The following POLE variants were observed in gnomAD, a reference collection of about 807,000 sequenced individuals.
The protein encoded by POLE is DNA polymerase epsilon catalytic subunit A.
In POLE, 188 loss-of-function variants were observed where a neutral mutation model predicts 279.2. That is an observed-to-expected ratio of 0.67 (90% confidence interval 0.60 to 0.76). The LOEUF (loss-of-function observed/expected upper bound fraction) is 0.76. Among genes scored for constraint, POLE ranks in the 30% least tolerant of loss-of-function variants. POLE has a pLI of 0.00. For missense variants in POLE, 2,703 were observed against 3,016.7 expected, an observed-to-expected ratio of 0.90 and a Z score of 2.44; for synonymous variants, 1,214 against 1,172.5, an observed-to-expected ratio of 1.04 and a Z score of -0.72.
At chr12:132,659,980 C>T (rs1299894420) in intron 25 of POLE, 4 of 172,568 alleles carry the variant, frequency 2.3e-5, no homozygotes, top group African/African-American at 7.2e-5. Flanking sequence ...CGTGAGCCAC[C>T]ACGCCTGGCT....
At position 132,632,466 on chromosome 12, in the gene POLE, G is replaced by C. The variant is rs761423995; in HGVS notation, c.6179C>G (p.Thr2060Ser). Residue 2060 changes from threonine to serine, a missense_variant, in exon 45 of 49, where the codon ACT becomes AGT. By Grantham distance (58) the Thr-to-Ser change is moderately conservative. This residue lies in a region of POLE where 1,551 missense variants were observed against 1,686.1 expected (regional missense o/e 0.92). Coordinates refer to ENST00000320574, the MANE Select transcript of POLE (RefSeq NM_006231.4). ...CTGAGTGATGGTGAAGAAGCTCTGA[G>C]TGAGCTCATTTGCGACATAATCCTG... ...FSQDYVANELTQSFFTITQKI... is the reference protein window; with the variant it reads ...FSQDYVANELSQSFFTITQKI... The C allele has an allele frequency of 1.9e-6, 3 of 1,614,124 alleles. No homozygotes were observed. The highest frequency in any genetic ancestry group is 1.3e-5 in the African/African-American group (1 of 75,052).
Position 132,664,491 on chromosome 12 carries a change from G to A in POLE, c.2469-29C>T, listed in dbSNP as rs2135958746. On this transcript the variant is annotated intron_variant, in intron 21 of 48. Transcript: ENST00000320574. This position sits in a 1 kb window ranked among gnomAD's most constrained non-coding sequence, Gnocchi z 5.3. The stretch of plus-strand genomic sequence containing the variant: ...AGAGGACACCACAAACTGGTGGGTG[G>A]GGCTGGCATGGCTCCTCCAGGGGGT... 6.4e-7 allele frequency: 1 copy of A among 1,562,376 alleles called. No homozygotes were observed. Among genetic ancestry groups the A allele is most frequent in the East Asian group, 2.2e-5 (1 of 44,632 alleles).
chr12:132,666,043 A>G (rs1451503732), intron 20 of POLE, among the ~76,000 whole-genome samples: 1 of 152,228 alleles, frequency 6.6e-6, no homozygotes, highest in East Asian at 1.9e-4. Flanking sequence ...TAAATGTAGA[A>G]TTAGCATATG....
intron 1 of POLE, among the ~76,000 whole-genome samples, chr12:132,686,658 C>T (rs1030876065): frequency 6.6e-6 from 1 of 152,028 alleles, no homozygotes; most frequent in African/African-American, 2.4e-5. Context: ...TCGCTTGAAC[C>T]CGGGAAGCAG....
chr12:132,659,351 C>A lies in POLE; in HGVS notation c.3219G>T (p.Gly1073=), dbSNP rs760636704. Residue 1073 remains glycine, a synonymous_variant, in exon 26 of 49, where the codon GGG becomes GGT. Transcript: ENST00000320574. ...FLGDQMVKDA[G]LSCRYIISRK... is the part of the protein sequence containing the mutation. ...GGGAGATGATGTAGCGGCAACTCAG[C>A]CCTGCATCCTTGACCATCTGGTCTC... 3.3e-5 allele frequency: 54 copies of A among 1,614,106 alleles called. No individual in the cohort carries two copies. The highest frequency in any genetic ancestry group is 4.6e-5 in the Non-Finnish European group (54 of 1,180,056).
chr12:132,624,404 G>A lies in POLE; in HGVS notation c.*293C>T. On this transcript the variant is annotated 3_prime_UTR_variant, in exon 49 of 49. Coordinates refer to ENST00000320574, the MANE Select transcript of POLE (RefSeq NM_006231.4). ...GTGGTGCAGGAAGCAACAGAGGCCT[G>A]GAAAAGCATTCACTGCGTGAGAAAC... 1 of 499,026 alleles carries A rather than the reference G, an allele frequency of 2.0e-6. No homozygotes were observed. The highest frequency in any genetic ancestry group is 3.6e-6 in the Non-Finnish European group (1 of 274,286). 30.9% of individuals were successfully genotyped at this position (499,026 alleles called of 1,614,324 possible).
intron 1 of POLE, among the ~76,000 whole-genome samples, chr12:132,686,276 G>T (rs942871138): frequency 6.6e-6 from 1 of 151,802 alleles, no homozygotes; most frequent in Non-Finnish European, 1.5e-5. Flanking sequence ...TATTTTTTTT[G>T]AGACTGGGTC....
chr12:132,627,053 G>A (rs2041854077), intron 45 of POLE, among the ~76,000 whole-genome samples: 1 of 152,230 alleles, frequency 6.6e-6, no homozygotes, highest in African/African-American at 2.4e-5. Flanking sequence ...GGCCAAGGCA[G>A]GTGGATGGCC....
intron 34 of POLE, 25 bp from the exon 35 acceptor site, chr12:132,643,355 C>T (rs887556453): frequency 6.2e-7 from 1 of 1,614,160 alleles, no homozygotes; most frequent in Non-Finnish European, 8.5e-7. Context: ...AAGACCGTCA[C>T]CCCAGATGTG....
chr12:132,676,429 T>C, intron 9 of POLE, 117 bp downstream of exon 9: 2 of 775,720 alleles, frequency 2.6e-6, no homozygotes, highest in Non-Finnish European at 4.4e-6. Flanking sequence ...CTCCCATTCC[T>C]GGACTAACTC....
chr12:132,679,765 C>A, intron 5 of POLE, 114 bp from the exon 6 acceptor site: 6 of 1,255,280 alleles, frequency 4.8e-6, no homozygotes, highest in Non-Finnish European at 6.7e-6. Flanking sequence ...CTTCAAGGCA[C>A]CTTGTCCAAC....
chr12:132,648,279 G>T (rs185005299), intron 32 of POLE, among the ~76,000 whole-genome samples: 3 of 152,060 alleles, frequency 2.0e-5, no homozygotes, highest in Admixed American at 6.6e-5. Context: ...GGCTGGGGGA[G>T]GATGGTGACA....
intron 43 of POLE, chr12:132,633,927 A>T (rs1593711304): frequency 2.5e-6 from 1 of 403,888 alleles, no homozygotes; most frequent in South Asian, 6.0e-5. Context: ...TGACACGGCC[A>T]GGGGCAGCCG....
At chr12:132,662,831 C>T (rs1157490254) in intron 23 of POLE, among the ~76,000 whole-genome samples, 3 of 152,208 alleles carry the variant, frequency 2.0e-5, no homozygotes, top group African/African-American at 4.8e-5. Flanking sequence ...GAAGCCACTC[C>T]GGTCCTATGA....
rs1399127638 is a variant in POLE at position 132,639,260 on chromosome 12, A to C, written c.5417T>G (p.Ile1806Ser). ...TGCATAGATGTTGTGGTACTGGGTG[A>C]TCTCCTTCACCCAGCCCACGACCAT... ...KSMVVGWVKE[I>S]TQYHNIYADN... is the part of the protein sequence containing the mutation. Residue 1806 changes from isoleucine (I) to serine (S), a missense_variant, in exon 40 of 49, where the codon ATC becomes AGC. Transcript: ENST00000320574. This position sits in a 1 kb window ranked among gnomAD's most constrained non-coding sequence, Gnocchi z 4.7. The C allele has an allele frequency of 6.2e-7, 1 of 1,613,964 alleles. No individual in the cohort carries two copies. The highest frequency in any genetic ancestry group is 8.5e-7 in the Non-Finnish European group (1 of 1,179,986).
rs1593766098 is a variant in POLE, at chr12:132,657,249, G to T, written c.3469C>A (p.Pro1157Thr). ...IPAALQQVKN[P>T]VPRVKHPDWL... ...TCGGGGTGTTTGACACGTGGCACTG[G>T]GTTCTTTACCTGTGTGAGGCCAACA... The change falls in exon 29 of 49, where the codon CCA becomes ACA. Residue 1157 changes from proline to threonine, a missense_variant. By Grantham distance (38) the Pro-to-Thr change is conservative. Transcript: ENST00000320574. 6.2e-7 allele frequency: 1 copy of T among 1,613,988 alleles called. No individual in the cohort carries two copies. Among genetic ancestry groups the T allele is most frequent in the Non-Finnish European group, 8.5e-7 (1 of 1,180,006 alleles).
chr12:132,671,754 T>G (rs1261157772), intron 16 of POLE, among the ~76,000 whole-genome samples: 1 of 150,798 alleles, frequency 6.6e-6, no homozygotes, highest in Non-Finnish European at 1.5e-5. Flanking sequence ...AGAACTGGTG[T>G]CTCCCTCTCC....
At chr12:132,665,550 C>T in intron 20 of POLE, 100 bp from the exon 21 acceptor site, 1 of 1,358,614 alleles carries the variant, frequency 7.4e-7, no homozygotes, top group East Asian at 2.5e-5. Context: ...ATTTTCAAAT[C>T]TATAGAAAAC....
intron 3 of POLE, 188 bp from the exon 4 acceptor site, chr12:132,680,410 C>T: frequency 1.5e-6 from 1 of 670,080 alleles, no homozygotes; most frequent in East Asian, 2.7e-5. Context: ...CACGCTACTT[C>T]TCACCATTCA....
Sources: allele counts gnomAD v4.1 joint callset (sites outside exome capture counted in the v4.1 genomes callset), GRCh38; gene constraint gnomAD v4.1.1; regional missense constraint gnomAD v4.1.1; non-coding constraint Gnocchi (gnomAD v3.1); transcripts MANE v1.5; gene names NCBI Gene and HGNC (gene_info 2026-07-23, HGNC 2026-07-21).